CCSER1: variants seen among roughly 807,000 people sequenced by gnomAD.
The protein encoded by CCSER1 is coiled-coil serine rich protein 1.
A neutral mutation model predicts 82.0 loss-of-function variants in CCSER1; 41 were observed. The observed-to-expected ratio is 0.50, with a 90% confidence interval of 0.39 to 0.65. CCSER1 has a LOEUF of 0.65. Among genes scored for constraint, CCSER1 ranks in the 30% least tolerant of loss-of-function variants. The probability of loss-of-function intolerance (pLI) is 0.00; values close to 1 mark genes in which losing one functional copy is unlikely to be tolerated. For missense variants in CCSER1, 1,119 were observed against 1,064.2 expected (o/e 1.05, Z -0.72); for synonymous variants, 414 against 383.9 (o/e 1.08, Z -0.92).
intron 7 of CCSER1, among the ~76,000 whole-genome samples, chr4:90,771,565 T>TAAAAAAAAAAAAAA (rs34848155): frequency 1.0e-5 from 1 of 98,326 alleles, no homozygotes; most frequent in African/African-American, 3.2e-5. Flanking sequence ...TGCCGGGCAC[T>TAAAAAAAAAAAAAA]AAAAAAAAAA....
At chr4:90,180,327 G>T (rs532226547) in intron 1 of CCSER1, among the ~76,000 whole-genome samples, 3 of 151,914 alleles carry the variant, frequency 2.0e-5, no homozygotes, top group Non-Finnish European at 4.4e-5. Flanking sequence ...GGTGCCTCAC[G>T]CCCATAATCC....
intron 1 of CCSER1, among the ~76,000 whole-genome samples, chr4:90,280,431 G>A (rs72879750): frequency 0.042 from 6,403 of 150,932 alleles, 325 homozygotes; most frequent in East Asian, 0.23. Flanking sequence ...TAAATCACAA[G>A]GACTCACTGA....
intron 9 of CCSER1, among the ~76,000 whole-genome samples, chr4:90,955,931 C>T (rs1028592824): frequency 6.6e-5 from 10 of 152,132 alleles, no homozygotes; most frequent in Non-Finnish European, 1.5e-4. Context: ...TCCCACATCA[C>T]ACAGATGTAA....
intron 7 of CCSER1, among the ~76,000 whole-genome samples, chr4:90,735,695 C>T (rs958432694): frequency 6.6e-6 from 1 of 151,858 alleles, no homozygotes; most frequent in East Asian, 1.9e-4. Context: ...TGGGCTTTCT[C>T]TCTGTTTTCT....
chr4:90,617,546 G>A (rs563006648), intron 5 of CCSER1, among the ~76,000 whole-genome samples: 2 of 152,274 alleles, frequency 1.3e-5, no homozygotes, highest in South Asian at 2.1e-4. Context: ...AAAGATAAGA[G>A]TCCAACCATC....
intron 10 of CCSER1, among the ~76,000 whole-genome samples, chr4:91,346,161 C>G (rs6843253): frequency 0.23 from 34,409 of 151,462 alleles, 4,500 homozygotes; most frequent in Middle Eastern, 0.39. Context: ...GGACTACAGG[C>G]GCTCACCACC....
chr4:90,256,951 T>C (rs1034940945), intron 1 of CCSER1, among the ~76,000 whole-genome samples: 5 of 152,118 alleles, frequency 3.3e-5, no homozygotes, highest in African/African-American at 1.2e-4. Context: ...ATAAATTAAA[T>C]TTTACCATAT....
At chr4:90,912,986 T>A (rs929653784) in intron 8 of CCSER1, among the ~76,000 whole-genome samples, 13 of 152,114 alleles carry the variant, frequency 8.5e-5, no homozygotes, top group African/African-American at 3.1e-4. Context: ...TATGGGACTA[T>A]GTGAAAAGAC....
intron 1 of CCSER1, among the ~76,000 whole-genome samples, chr4:90,225,127 C>A (rs933542484): frequency 4.0e-5 from 6 of 151,828 alleles, no homozygotes; most frequent in Non-Finnish European, 7.4e-5. Context: ...GCAGTGGCAC[C>A]ATCATGGCTA....
At chr4:90,240,171 C>T (rs1433238980) in intron 1 of CCSER1, among the ~76,000 whole-genome samples, 2 of 152,078 alleles carry the variant, frequency 1.3e-5, no homozygotes, top group African/African-American at 2.4e-5. Flanking sequence ...GTAGAATAGT[C>T]GGCATGGATA....
At chr4:90,239,375 C>T (rs1306253752) in intron 1 of CCSER1, among the ~76,000 whole-genome samples, 2 of 152,142 alleles carry the variant, frequency 1.3e-5, no homozygotes, top group South Asian at 2.1e-4. Flanking sequence ...AAGATCAGCA[C>T]GTTAATGTAA....
chr4:90,797,597 G>C (rs144651269), intron 7 of CCSER1, among the ~76,000 whole-genome samples: 165 of 152,276 alleles, frequency 1.1e-3, no homozygotes, highest in African/African-American at 2.9e-3. Context: ...GTTTATTTTT[G>C]TAGTAGCTGC....
chr4:91,162,093 G>T (rs1338782903), intron 10 of CCSER1, among the ~76,000 whole-genome samples: 2 of 151,910 alleles, frequency 1.3e-5, no homozygotes, highest in Admixed American at 6.6e-5. Flanking sequence ...CTCTTATTTT[G>T]AGATACATTC....
chr4:91,232,079 A>T (rs922816799), intron 10 of CCSER1, among the ~76,000 whole-genome samples: 22 of 151,860 alleles, frequency 1.4e-4, no homozygotes, highest in Non-Finnish European at 7.4e-5. Flanking sequence ...AAAACTAAAA[A>T]GTTTTATAAT....
intron 9 of CCSER1, among the ~76,000 whole-genome samples, chr4:91,060,497 T>C (rs751073754): frequency 2.0e-5 from 3 of 151,818 alleles, no homozygotes; most frequent in Non-Finnish European, 4.4e-5. Flanking sequence ...ATCCTGACAT[T>C]AGAATTATGT....
At chr4:90,292,304 T>C (rs905482036) in intron 1 of CCSER1, among the ~76,000 whole-genome samples, 1 of 152,000 alleles carries the variant, frequency 6.6e-6, no homozygotes, top group Non-Finnish European at 1.5e-5. Flanking sequence ...TTCAGATATA[T>C]ATGAGTATAT....
intron 10 of CCSER1, among the ~76,000 whole-genome samples, chr4:91,211,547 CTT>C (rs1736824804): frequency 6.6e-6 from 1 of 151,972 alleles, no homozygotes; most frequent in African/African-American, 2.4e-5. Flanking sequence ...AGGACTATGT[CTT>C]TTATAAAAAC....
chr4:91,008,620 CATCGTATAGTTTG>C (rs1358098531), intron 9 of CCSER1, among the ~76,000 whole-genome samples: 1 of 152,150 alleles, frequency 6.6e-6, no homozygotes, highest in African/African-American at 2.4e-5. Context: ...CTTTTGGAGG[CATCGTATAGTTTG>C]ATCTTGTTTT....
intron 3 of CCSER1, among the ~76,000 whole-genome samples, chr4:90,335,222 C>A (rs780272804): frequency 6.6e-6 from 1 of 152,136 alleles, no homozygotes; most frequent in African/African-American, 2.4e-5. Flanking sequence ...AATTAAAATA[C>A]GTCATGGCAA....
Sources: allele counts gnomAD v4.1 joint callset (sites outside exome capture counted in the v4.1 genomes callset), GRCh38; gene constraint gnomAD v4.1.1; transcripts MANE v1.5; gene names NCBI Gene and HGNC (gene_info 2026-07-23, HGNC 2026-07-21).